NSF: variants seen among roughly 807,000 people sequenced by gnomAD.
NSF encodes the protein vesicle-fusing ATPase.
Under a neutral mutation model 50.3 loss-of-function variants are expected in NSF, and 14 were observed. The ratio of observed to expected loss-of-function variants is 0.28; its 90% CI spans 0.18 to 0.44. NSF has a LOEUF of 0.44. NSF is among the 20% of genes least tolerant of loss of function. The probability of loss-of-function intolerance (pLI) is 1.00; values close to 1 mark genes in which losing one functional copy is unlikely to be tolerated. For synonymous variants in NSF, 109 were observed against 175.7 expected (o/e 0.62, Z 3.00); for missense variants, 218 against 504.3 (o/e 0.43, Z 5.44).
chr17:46,691,518 C>T (rs2146228406), intron 9 of NSF, among the ~76,000 whole-genome samples: 1 of 144,708 alleles, frequency 6.9e-6, no homozygotes, highest in Middle Eastern at 3.4e-3. Flanking sequence ...TCACTTGAAC[C>T]CGGGAGGCAG....
chr17:46,750,129 GA>G (rs1270222313), intron 18 of NSF, among the ~76,000 whole-genome samples: 1 of 152,178 alleles, frequency 6.6e-6, no homozygotes, highest in African/African-American at 2.4e-5. Context: ...GGGGCAGGTG[GA>G]TCACTTGAGG....
At chr17:46,684,629 C>G (rs532160323) in intron 9 of NSF, among the ~76,000 whole-genome samples, 1 of 151,852 alleles carries the variant, frequency 6.6e-6, no homozygotes, top group Admixed American at 6.6e-5. Flanking sequence ...TTTGACAAAC[C>G]TGACAAAAAC....
chr17:46,710,079 T>A (rs955990995), intron 13 of NSF, among the ~76,000 whole-genome samples: 4 of 152,214 alleles, frequency 2.6e-5, no homozygotes, highest in Admixed American at 2.0e-4. Context: ...TTAAAACTAT[T>A]CCATACATCA....
intron 15 of NSF, chr17:46,722,054 G>C: frequency 6.2e-7 from 1 of 1,607,596 alleles, no homozygotes; most frequent in South Asian, 1.1e-5. Flanking sequence ...CCTGAGCTGA[G>C]CCTTGAGGTC....
At chr17:46,723,143 G>A (rs571760264) in intron 15 of NSF, among the ~76,000 whole-genome samples, 1 of 152,302 alleles carries the variant, frequency 6.6e-6, no homozygotes, top group African/African-American at 2.4e-5. Context: ...GCAATGTCCT[G>A]AGTAAGGTCC....
chr17:46,695,244 T>C, intron 12 of NSF, among the ~76,000 whole-genome samples: 1 of 141,052 alleles, frequency 7.1e-6, no homozygotes, highest in Non-Finnish European at 1.5e-5. Context: ...AGATTCCGTC[T>C]CCAAAAAAAA....
chr17:46,727,492 G>A (rs971336342), intron 16 of NSF, among the ~76,000 whole-genome samples: 4 of 152,250 alleles, frequency 2.6e-5, no homozygotes, highest in East Asian at 1.9e-4. Context: ...TGGTGTAGTC[G>A]TGATTTCAAG....
intron 17 of NSF, among the ~76,000 whole-genome samples, chr17:46,740,637 A>T (rs1450681752): frequency 1.3e-5 from 2 of 151,178 alleles, no homozygotes; most frequent in African/African-American, 4.9e-5. Context: ...ATACTATGGC[A>T]TGGTCAGTAC....
In NSF at chr17:46,741,940, G is replaced by A. The variant is rs541583456; in HGVS notation, c.1909-7833G>A. Among the ~76,000 whole-genome samples, 5 of 152,220 alleles carry A rather than the reference G, an allele frequency of 3.3e-5. No individual in the cohort carries two copies. The South Asian group carries it at 1.0e-3, about 32-fold the overall frequency. On this transcript the variant is annotated intron_variant, in intron 17 of 20. Coordinates refer to ENST00000398238, the MANE Select transcript of NSF (RefSeq NM_006178.4). Reference sequence around the variant, plus strand: ...GCCACCACGCCTGGCTAATTTAGTAGAGACAGCATTTCACCGTGTTGGTCA... The same window carrying A: ...GCCACCACGCCTGGCTAATTTAGTAAAGACAGCATTTCACCGTGTTGGTCA...
rs1265722531 is a variant in NSF at position 46,756,645 on chromosome 17, C to G, written c.*822C>G. ...CAAACCTCTCAGCACTAATTAGTGT[C>G]CAACTCCAAGTGGGTCAATTCCTTA... On this transcript the variant is annotated 3_prime_UTR_variant, in exon 21 of 21. Transcript: ENST00000398238. 1 of 152,580 alleles carries G rather than the reference C, an allele frequency of 6.6e-6. No individual in the cohort carries two copies. Among genetic ancestry groups the G allele is most frequent in the Non-Finnish European group, 1.5e-5 (1 of 68,016 alleles). 9.5% of individuals were successfully genotyped at this position (152,580 alleles called of 1,614,324 possible). A position where few individuals can be genotyped will look rare whatever the true frequency, so the allele number is the denominator to read the frequency against.
intron 8 of NSF, among the ~76,000 whole-genome samples, chr17:46,661,393 ATTATT>A (rs1411936799): frequency 3.3e-5 from 3 of 90,060 alleles, no homozygotes; most frequent in African/African-American, 6.9e-5. Flanking sequence ...TATTATTATT[ATTATT>A]ATTATTATTA....
At chr17:46,715,358 T>G (rs892492276) in intron 15 of NSF, among the ~76,000 whole-genome samples, 1 of 152,216 alleles carries the variant, frequency 6.6e-6, no homozygotes. Context: ...TCGTTTTCCC[T>G]CTGATGGGAA....
rs542153204 is a variant in NSF, at chr17:46,744,056, C to A, written c.1909-5717C>A. ...TCTTTGCAGTACTACGGATAACCTT[C>A]CTAGATAACCCCCCTCCAGGAAACT... On this transcript the variant is annotated intron_variant, in intron 17 of 20. Transcript: ENST00000398238. Among the ~76,000 whole-genome samples the A allele has an allele frequency of 2.1e-4, 32 of 152,256 alleles. No individual in the cohort carries two copies. In the South Asian group the frequency reaches 6.2e-3, roughly 30 times the overall value.
chr17:46,753,900 A>G (rs1312919276), intron 19 of NSF, among the ~76,000 whole-genome samples: 1 of 152,240 alleles, frequency 6.6e-6, no homozygotes, highest in Non-Finnish European at 1.5e-5. Flanking sequence ...TTTGCAGAAT[A>G]TAAGTCGTGG....
intron 17 of NSF, among the ~76,000 whole-genome samples, chr17:46,746,563 A>C (rs1367598620): frequency 3.3e-5 from 5 of 152,042 alleles, no homozygotes; most frequent in Non-Finnish European, 5.9e-5. Flanking sequence ...ATTAGTCTTT[A>C]CTGAAGACTT....
chr17:46,667,146 TATTA>T (rs2146196152), intron 8 of NSF, among the ~76,000 whole-genome samples: 1 of 120,576 alleles, frequency 8.3e-6, no homozygotes, highest in South Asian at 2.9e-4. Context: ...AGAAATAAGC[TATTA>T]ATTAATAGCC....
intron 15 of NSF, among the ~76,000 whole-genome samples, chr17:46,714,379 G>C (rs938560893): frequency 6.6e-5 from 10 of 152,168 alleles, no homozygotes; most frequent in Non-Finnish European, 1.2e-4. Context: ...GGAAGACAGA[G>C]ATGTATCAAT....
At chr17:46,747,960 A>G (rs2059147467) in intron 17 of NSF, among the ~76,000 whole-genome samples, 2 of 152,234 alleles carry the variant, frequency 1.3e-5, no homozygotes, top group Non-Finnish European at 2.9e-5. Context: ...TAGTTTTCAA[A>G]TTGCAGAACA....
intron 15 of NSF, among the ~76,000 whole-genome samples, chr17:46,723,196 A>G (rs1490986085): frequency 6.6e-6 from 1 of 152,234 alleles, no homozygotes. Context: ...AAGGAAAAAC[A>G]TAGAACTACT....
Sources: gnomAD v4.1 joint callset for allele counts (sites outside exome capture counted in the v4.1 genomes callset) on GRCh38, gnomAD v4.1.1 for gene constraint, MANE v1.5 for transcripts, NCBI Gene and HGNC (gene_info 2026-07-23, HGNC 2026-07-21) for gene names.